The following PRR14L variants were observed in gnomAD, a reference collection of about 807,000 sequenced individuals.
PRR14L encodes the protein proline rich 14 like.
A neutral mutation model predicts 155.0 loss-of-function variants in PRR14L; 80 were observed. The ratio of observed to expected loss-of-function variants is 0.52; its 90% CI spans 0.43 to 0.62. The LOEUF (loss-of-function observed/expected upper bound fraction) is 0.62. PRR14L is among the 20% of genes least tolerant of loss of function. The probability of loss-of-function intolerance (pLI) is 0.00; values close to 1 mark genes in which losing one functional copy is unlikely to be tolerated. For missense variants in PRR14L, 2,469 were observed against 2,548.0 expected (o/e 0.97, Z 0.67); for synonymous variants, 883 against 916.0 (o/e 0.96, Z 0.65).
chr22:31,710,675 C>T (rs534950219), intron 4 of PRR14L, among the ~76,000 whole-genome samples: 5 of 152,054 alleles, frequency 3.3e-5, no homozygotes, highest in African/African-American at 9.6e-5. Context: ...AGGATGGTCT[C>T]GATCTCCTGA....
At chr22:31,726,660 G>A (rs1237560028) in intron 2 of PRR14L, among the ~76,000 whole-genome samples, 1 of 152,174 alleles carries the variant, frequency 6.6e-6, no homozygotes, top group Admixed American at 6.5e-5. Flanking sequence ...TTTGAGGTGT[G>A]AGAATAGATG....
intron 7 of PRR14L, among the ~76,000 whole-genome samples, chr22:31,692,855 G>C (rs576024363): frequency 6.6e-6 from 1 of 151,922 alleles, no homozygotes; most frequent in African/African-American, 2.4e-5. Context: ...GCCCGGGCTG[G>C]CCTTGAACTC....
chr22:31,710,565 G>A (rs912380089), intron 4 of PRR14L, among the ~76,000 whole-genome samples: 3 of 150,664 alleles, frequency 2.0e-5, no homozygotes, highest in African/African-American at 7.3e-5. Context: ...CCATTCTCCT[G>A]CCTCAGCCTC....
chr22:31,728,381 G>C (rs1433088523), intron 2 of PRR14L, among the ~76,000 whole-genome samples: 1 of 152,168 alleles, frequency 6.6e-6, no homozygotes, highest in Non-Finnish European at 1.5e-5. Flanking sequence ...GGGAGGCCGA[G>C]GAGGGCGGAT....
Position 31,717,306 on chromosome 22 carries a change from TA to T in PRR14L, c.548-16del. 1 of 1,516,236 alleles carries T rather than the reference TA, an allele frequency of 6.6e-7. No individual in the cohort carries two copies. 93.9% of individuals were successfully genotyped at this position (1,516,236 alleles called of 1,614,324 possible). On this transcript the variant is annotated splice_polypyrimidine_tract_variant and intron_variant, in intron 3 of 8. Coordinates refer to ENST00000327423, the MANE Select transcript of PRR14L (RefSeq NM_173566.3). ...TACATTTCCTTCTGAATAAGAGAAA[TA>T]AATCCAAATTAATATGCAGTAATAA...
Position 31,714,058 on chromosome 22 carries a change from G to C in PRR14L, c.3781C>G (p.Leu1261Val), listed in dbSNP as rs2074639490. The change falls in exon 4 of 9, where the codon CTT becomes GTT. Residue 1261 changes from leucine to valine, a missense_variant. Physicochemically the swap from Leu to Val is conservative, Grantham distance 32. Around this residue, in one of 2 missense-constraint regions of PRR14L, gnomAD observed 2,363 missense variants for 2,371.6 expected, o/e 1.00. Coordinates refer to ENST00000327423, the MANE Select transcript of PRR14L (RefSeq NM_173566.3). Reference sequence around the variant, plus strand: ...ATTTCACCATCTTTTGGTTTACAAAGATTTTTCAGGTCAGTTTCTTCACTG... The same window carrying C: ...ATTTCACCATCTTTTGGTTTACAAACATTTTTCAGGTCAGTTTCTTCACTG... ...VNSEETDLKN[L>V]CKPKDGEMLC... 6.5e-7 allele frequency: 1 copy of C among 1,550,070 alleles called. No individual in the cohort carries two copies. The highest frequency in any genetic ancestry group is 1.4e-5 in the African/African-American group (1 of 72,932).
Position 31,685,574 on chromosome 22 carries a change from T to A in PRR14L, c.6409A>T (p.Thr2137Ser). Residue 2137 changes from threonine (T) to serine (S), a missense_variant, in exon 9 of 9, where the codon ACC becomes TCC. Thr to Ser is a moderately conservative substitution (Grantham distance 58, BLOSUM62 1). Coordinates refer to ENST00000327423, the MANE Select transcript of PRR14L (RefSeq NM_173566.3). ...LLIQKLMELETFFAKEEEQEQ... is the reference protein window; with the variant it reads ...LLIQKLMELESFFAKEEEQEQ... ...TGCTCCTCTTCCTTGGCAAAGAAGG[T>A]CTCCAGTTCCATTAGTTTCTGTATC... The A allele has an allele frequency of 6.4e-7, 1 of 1,551,894 alleles. No homozygotes were observed. The highest frequency in any genetic ancestry group is 8.7e-7 in the Non-Finnish European group (1 of 1,146,918).
Position 31,706,697 on chromosome 22 carries a change from T to C in PRR14L, c.5757-1971A>G, listed in dbSNP as rs532897572. Among the ~76,000 whole-genome samples, 244 of 152,254 alleles carry C rather than the reference T, an allele frequency of 1.6e-3. 1 individual carries two copies. Among genetic ancestry groups the C allele is most frequent in the Non-Finnish European group, 2.8e-3 (191 of 68,010 alleles). ...TCAGTCTCCCAAAGTGTTGGGATTATAGGCATGAGCCACAGTGCCCGGCCT... is the reference window on the plus strand; with the variant it reads ...TCAGTCTCCCAAAGTGTTGGGATTACAGGCATGAGCCACAGTGCCCGGCCT... On this transcript the variant is annotated intron_variant, in intron 4 of 8. Coordinates refer to ENST00000327423, the MANE Select transcript of PRR14L (RefSeq NM_173566.3).
chr22:31,740,835 TA>T (rs1413752980), intron 1 of PRR14L, among the ~76,000 whole-genome samples: 1 of 152,014 alleles, frequency 6.6e-6, no homozygotes, highest in East Asian at 1.9e-4. Flanking sequence ...AAAGGCGAAT[TA>T]AAAAAATTAA....
intron 8 of PRR14L, among the ~76,000 whole-genome samples, chr22:31,687,357 T>C (rs1487898577): frequency 2.2e-5 from 3 of 137,060 alleles, no homozygotes; most frequent in Non-Finnish European, 3.1e-5. Context: ...TTCTTTCTTC[T>C]TTTTTTTTTT....
chr22:31,720,926 A>G (rs1448889108), intron 3 of PRR14L, among the ~76,000 whole-genome samples: 1 of 152,232 alleles, frequency 6.6e-6, no homozygotes, highest in East Asian at 1.9e-4. Flanking sequence ...AATAATGAGT[A>G]GGAACTAATA....
rs2074658313 is a variant in PRR14L at position 31,716,214 on chromosome 22, T to G, written c.1625A>C (p.Asn542Thr). The G allele has an allele frequency of 6.4e-7, 1 of 1,551,392 alleles. No individual in the cohort carries two copies. Among genetic ancestry groups the G allele is most frequent in the South Asian group, 1.2e-5 (1 of 84,060 alleles). Residue 542 changes from asparagine (N) to threonine (T), a missense_variant, in exon 4 of 9, where the codon AAC becomes ACC. Physicochemically the swap from Asn to Thr is moderately conservative, Grantham distance 65. Transcript: ENST00000327423. ...ATTTCTCTGGATGCTGACTAAGGAGTTACAGTCTTTAGTGTAAAAAGATTT... is the reference window on the plus strand; with the variant it reads ...ATTTCTCTGGATGCTGACTAAGGAGGTACAGTCTTTAGTGTAAAAAGATTT... ...LSKSFYTKDC[N>T]SLVSIQRNLE...
chr22:31,723,279 A>G (rs1241257391), intron 3 of PRR14L, among the ~76,000 whole-genome samples: 1 of 152,228 alleles, frequency 6.6e-6, no homozygotes, highest in Non-Finnish European at 1.5e-5. Context: ...GAACATGAAG[A>G]AAAGTGTCAC....
At position 31,685,343 on chromosome 22, in the gene PRR14L, C is replaced by T; in HGVS notation, c.*184G>A. On this transcript the variant is annotated 3_prime_UTR_variant, in exon 9 of 9. Coordinates refer to ENST00000327423, the MANE Select transcript of PRR14L (RefSeq NM_173566.3). ...GTAAAAGTAGAGGACCCTCCTTCACCAGTTTCTAAAAAGGTTGCACCTTGA... is the reference window on the plus strand; with the variant it reads ...GTAAAAGTAGAGGACCCTCCTTCACTAGTTTCTAAAAAGGTTGCACCTTGA... The T allele has an allele frequency of 1.7e-6, 1 of 585,080 alleles. No homozygotes were observed. Among genetic ancestry groups the T allele is most frequent in the South Asian group, 2.2e-5 (1 of 45,148 alleles). 36.2% of individuals were successfully genotyped at this position (585,080 alleles called of 1,614,324 possible). A position where few individuals can be genotyped will look rare whatever the true frequency, so the allele number is the denominator to read the frequency against.
intron 2 of PRR14L, among the ~76,000 whole-genome samples, chr22:31,732,285 G>A (rs131246): frequency 0.11 from 17,448 of 152,210 alleles, 1,144 homozygotes; most frequent in African/African-American, 0.17. Context: ...CCTGACTGCT[G>A]TCCTTAGAAA....
chr22:31,700,281 A>C (rs2074556256), intron 7 of PRR14L, among the ~76,000 whole-genome samples: 1 of 152,242 alleles, frequency 6.6e-6, no homozygotes, highest in Non-Finnish European at 1.5e-5. Flanking sequence ...CAGACATATA[A>C]ATGCAAGAGA....
intron 5 of PRR14L, 178 bp downstream of exon 5, chr22:31,704,477 G>A: frequency 2.3e-6 from 1 of 435,788 alleles, no homozygotes; most frequent in South Asian, 4.2e-5. Context: ...CCTAGTTGCT[G>A]CTTGTAATAG....
chr22:31,748,531 A>G (rs1249493959), intron 1 of PRR14L, among the ~76,000 whole-genome samples: 1 of 152,222 alleles, frequency 6.6e-6, no homozygotes, highest in Non-Finnish European at 1.5e-5. Flanking sequence ...AAAGGAGAAA[A>G]GAAACAATCT....
rs1833154811 is a variant in PRR14L at position 31,712,538 on chromosome 22, G to C, written c.5301C>G (p.Phe1767Leu). ...SQPPKWTFSF[F>L]LSHGCPGMAT... The stretch of plus-strand genomic sequence containing the variant: ...CCATCCCAGGGCAACCGTGGGACAA[G>C]AAGAAAGAAAAGGTCCACTTGGGAG... The change falls in exon 4 of 9, where the codon TTC (phenylalanine) becomes TTG (leucine). Residue 1767 changes from phenylalanine to leucine, a missense_variant. Transcript: ENST00000327423. 1 of 1,551,472 alleles carries C rather than the reference G, an allele frequency of 6.4e-7. No individual in the cohort carries two copies. The highest frequency in any genetic ancestry group is 8.7e-7 in the Non-Finnish European group (1 of 1,146,958).
Sources: gnomAD v4.1 joint callset for allele counts (sites outside exome capture counted in the v4.1 genomes callset) on GRCh38, gnomAD v4.1.1 for gene constraint, gnomAD v4.1.1 regional missense constraint, MANE v1.5 for transcripts, NCBI Gene and HGNC (gene_info 2026-07-23, HGNC 2026-07-21) for gene names.